The following SNTG2 variants were observed in gnomAD, a reference collection of about 807,000 sequenced individuals.
SNTG2 encodes syntrophin gamma 2.
SNTG2 carries 74 observed loss-of-function variants against 70.9 expected under a neutral mutation model. The ratio of observed to expected loss-of-function variants is 1.04; its 90% CI spans 0.86 to 1.27. The LOEUF (loss-of-function observed/expected upper bound fraction) is 1.27, where lower values mean the gene tolerates loss of function less well. SNTG2 is among the 50% of genes most tolerant of loss of function. The pLI, the probability that SNTG2 is intolerant of heterozygous loss-of-function variation, is 0.00. For synonymous variants in SNTG2, 278 were observed against 273.8 expected (o/e 1.02, Z -0.15); for missense variants, 717 against 690.7 (o/e 1.04, Z -0.43).
chr2:1,093,374 C>A (rs1188671864), intron 2 of SNTG2, among the ~76,000 whole-genome samples: 1 of 152,088 alleles, frequency 6.6e-6, no homozygotes, highest in Non-Finnish European at 1.5e-5. Context: ...TGTGGGTTGC[C>A]TCTGGGGTCA....
At chr2:1,256,136 C>T (rs1388478898) in intron 12 of SNTG2, among the ~76,000 whole-genome samples, 1 of 151,332 alleles carries the variant, frequency 6.6e-6, no homozygotes, top group African/African-American at 2.4e-5. Flanking sequence ...CCAAATGTTT[C>T]GGCACCATTA....
chr2:1,113,893 G>T (rs1195518410), intron 4 of SNTG2, among the ~76,000 whole-genome samples: 2 of 150,848 alleles, frequency 1.3e-5, no homozygotes, highest in Non-Finnish European at 2.9e-5. Context: ...GAGGGATGGT[G>T]TGTACTAAGT....
chr2:1,179,543 A>G (rs1671718069), intron 8 of SNTG2, among the ~76,000 whole-genome samples: 1 of 152,070 alleles, frequency 6.6e-6, no homozygotes, highest in Admixed American at 6.6e-5. Context: ...AGAACTACAA[A>G]CCACTACTCA....
intron 2 of SNTG2, among the ~76,000 whole-genome samples, chr2:1,095,517 T>A (rs1665334909): frequency 6.6e-6 from 1 of 152,156 alleles, no homozygotes; most frequent in South Asian, 2.1e-4. Context: ...ATGGTGTAAT[T>A]TTTTTCTTAC....
chr2:1,227,827 C>T (rs59093455), intron 9 of SNTG2, among the ~76,000 whole-genome samples: 30,498 of 152,162 alleles, frequency 0.2, 4,520 homozygotes, highest in African/African-American at 0.41. Context: ...ATACTGGTGC[C>T]GCTATTAAAG....
At chr2:1,291,680 T>C (rs1211254369) in intron 14 of SNTG2, among the ~76,000 whole-genome samples, 2 of 152,218 alleles carry the variant, frequency 1.3e-5, no homozygotes, top group African/African-American at 4.8e-5. Context: ...CTTTCATCGC[T>C]CTCTGTTCTG....
chr2:1,063,845 C>T (rs1336290779), intron 1 of SNTG2, among the ~76,000 whole-genome samples: 1 of 152,066 alleles, frequency 6.6e-6, no homozygotes, highest in Non-Finnish European at 1.5e-5. Context: ...AGTAGATTCC[C>T]AGAAGAATGG....
At chr2:1,296,614 G>A (rs1680229028) in intron 14 of SNTG2, among the ~76,000 whole-genome samples, 1 of 152,202 alleles carries the variant, frequency 6.6e-6, no homozygotes, top group Admixed American at 6.5e-5. Flanking sequence ...GGTCACTCAG[G>A]GACCTCAAGG....
intron 14 of SNTG2, among the ~76,000 whole-genome samples, chr2:1,275,115 G>A (rs1679215532): frequency 6.6e-6 from 1 of 152,160 alleles, no homozygotes; most frequent in Non-Finnish European, 1.5e-5. Flanking sequence ...TCCAGAGAGG[G>A]AGAACTCTCT....
At chr2:1,067,131 C>T (rs1292660821) in intron 1 of SNTG2, among the ~76,000 whole-genome samples, 1 of 142,492 alleles carries the variant, frequency 7.0e-6, no homozygotes, top group Non-Finnish European at 1.6e-5. Flanking sequence ...TAGTAAGTCA[C>T]TAGCAAAAAA....
chr2:1,339,949 C>T (rs890803783), intron 16 of SNTG2, among the ~76,000 whole-genome samples: 9 of 152,194 alleles, frequency 5.9e-5, no homozygotes, highest in African/African-American at 2.2e-4. Flanking sequence ...TCGCACCGTC[C>T]GCTCACTGGC....
chr2:1,291,372 A>AT (rs1236519363), intron 14 of SNTG2, among the ~76,000 whole-genome samples: 3 of 151,940 alleles, frequency 2.0e-5, no homozygotes, highest in Non-Finnish European at 4.4e-5. Context: ...CTGTTTGTCT[A>AT]TTTTTTTGGT....
chr2:1,365,718 GTC>G (rs1661441838), intron 16 of SNTG2, among the ~76,000 whole-genome samples: 1 of 152,174 alleles, frequency 6.6e-6, no homozygotes, highest in Admixed American at 6.5e-5. Flanking sequence ...GCTCTGGCTG[GTC>G]CAGCTGGGTC....
intron 1 of SNTG2, among the ~76,000 whole-genome samples, chr2:1,050,179 A>G (rs1050452487): frequency 6.6e-6 from 1 of 152,266 alleles, no homozygotes; most frequent in African/African-American, 2.4e-5. Flanking sequence ...TATTCACTGA[A>G]CAGAATTTTT....
intron 4 of SNTG2, among the ~76,000 whole-genome samples, chr2:1,126,602 G>C (rs778914119): frequency 2.0e-5 from 3 of 152,112 alleles, no homozygotes; most frequent in Non-Finnish European, 2.9e-5. Flanking sequence ...CCAGCAGTGT[G>C]AGTTTCCCTT....
intron 1 of SNTG2, among the ~76,000 whole-genome samples, chr2:980,695 T>TACACACACACAC (rs10648703): frequency 1.7e-4 from 26 of 150,114 alleles, no homozygotes; most frequent in South Asian, 2.1e-4. Flanking sequence ...TAGACACATG[T>TACACACACACAC]ACACACACAC....
At chr2:1,267,778 G>A (rs1266316908) in intron 14 of SNTG2, among the ~76,000 whole-genome samples, 1 of 152,230 alleles carries the variant, frequency 6.6e-6, no homozygotes, top group Non-Finnish European at 1.5e-5. Context: ...GGGAAGGGGA[G>A]GAGAGGATTT....
At chr2:1,346,221 T>TCC in intron 16 of SNTG2, among the ~76,000 whole-genome samples, 1 of 80,210 alleles carries the variant, frequency 1.2e-5, no homozygotes, top group African/African-American at 4.5e-5. Flanking sequence ...CTGGCACTTT[T>TCC]CCCCCTGTTC....
chr2:1,115,441 A>T lies in SNTG2; in HGVS notation c.325+17031A>T, dbSNP rs144689306. ...TTAGGAGAATTGTGTTTACTAAGTG[A>T]GGTTTTACCCTTACAGTCCTTTGAG... On this transcript the variant is annotated intron_variant, in intron 4 of 16. Coordinates refer to ENST00000308624, the MANE Select transcript of SNTG2 (RefSeq NM_018968.4). 5.8e-3 allele frequency among the ~76,000 whole-genome samples: 885 copies of T among 151,896 alleles called. 9 individuals carry two copies. The highest frequency in any genetic ancestry group is 0.019 in the African/African-American group (776 of 41,424).
Sources: gnomAD v4.1 joint callset for allele counts (sites outside exome capture counted in the v4.1 genomes callset) on GRCh38, gnomAD v4.1.1 for gene constraint, MANE v1.5 for transcripts, NCBI Gene and HGNC (gene_info 2026-07-23, HGNC 2026-07-21) for gene names.